Variants in AKAP6 observed in about 807,000 individuals in gnomAD.
AKAP6 encodes the protein A-kinase anchor protein 6.
In AKAP6, 58 loss-of-function variants were observed where a neutral mutation model predicts 188.5. The ratio of observed to expected loss-of-function variants is 0.31; its 90% CI spans 0.25 to 0.38. The LOEUF is 0.38. AKAP6 is among the 10% of genes least tolerant of loss of function. AKAP6 has a pLI of 1.00. For synonymous variants in AKAP6, 989 were observed against 998.6 expected, an observed-to-expected ratio of 0.99 and a Z score of 0.18; for missense variants, 2,710 against 2,740.0, an observed-to-expected ratio of 0.99 and a Z score of 0.24.
At chr14:32,601,891 C>A (rs907388965) in intron 7 of AKAP6, among the ~76,000 whole-genome samples, 2 of 152,188 alleles carry the variant, frequency 1.3e-5, no homozygotes, top group African/African-American at 4.8e-5. Context: ...AGACAATTTA[C>A]AGCTTTTGAA....
intron 3 of AKAP6, among the ~76,000 whole-genome samples, chr14:32,544,772 T>C (rs1447731812): frequency 3.3e-5 from 5 of 152,222 alleles, no homozygotes; most frequent in African/African-American, 9.6e-5. Context: ...TACTTAAAAA[T>C]ATTTATTGAG....
chr14:32,347,977 G>A (rs140712842), intron 1 of AKAP6, among the ~76,000 whole-genome samples: 15 of 152,276 alleles, frequency 9.9e-5, no homozygotes, highest in African/African-American at 2.6e-4. Flanking sequence ...CAAGGAAATC[G>A]GGATACATTT....
chr14:32,409,525 C>G lies in AKAP6; in HGVS notation c.-34-23935C>G, dbSNP rs1435923917. On this transcript the variant is annotated intron_variant, in intron 1 of 13. Coordinates refer to ENST00000280979, the MANE Select transcript of AKAP6 (RefSeq NM_004274.5). ...TCTTCAAAAAACAGTAGCCCCTTAT[C>G]CTTGAACATGTTCCAGGACTCTTGA... Among the ~76,000 whole-genome samples, 3 of 152,230 alleles carry G rather than the reference C, an allele frequency of 2.0e-5. No individual in the cohort carries two copies. In the East Asian group the frequency reaches 5.8e-4, roughly 29 times the overall value.
At chr14:32,582,281 T>C (rs1160833733) in intron 5 of AKAP6, among the ~76,000 whole-genome samples, 3 of 152,216 alleles carry the variant, frequency 2.0e-5, no homozygotes, top group African/African-American at 7.2e-5. Flanking sequence ...TATGAAATTC[T>C]GAGTTGAAAA....
chr14:32,786,395 C>T (rs1395938623), intron 12 of AKAP6, among the ~76,000 whole-genome samples: 1 of 145,818 alleles, frequency 6.9e-6, no homozygotes, highest in East Asian at 2.0e-4. Context: ...GCAAGCTCCA[C>T]CTCCCAGGTG....
chr14:32,743,356 G>A (rs186715029), intron 11 of AKAP6, among the ~76,000 whole-genome samples: 61 of 152,156 alleles, frequency 4.0e-4, no homozygotes, highest in African/African-American at 1.3e-3. Flanking sequence ...AATTTAGTCC[G>A]TTACATTCAG....
intron 7 of AKAP6, among the ~76,000 whole-genome samples, chr14:32,602,254 A>G (rs1413815210): frequency 2.6e-5 from 4 of 152,114 alleles, no homozygotes; most frequent in Non-Finnish European, 5.9e-5. Context: ...AACTTGTTGT[A>G]GGAGGCTGAG....
In AKAP6 at chr14:32,696,125, T is replaced by C. The variant is rs748136011; in HGVS notation, c.3000+15T>C. The C allele has an allele frequency of 5.7e-6, 9 of 1,589,172 alleles. No homozygotes were observed. The highest frequency in any genetic ancestry group is 3.8e-5 in the Admixed American group (2 of 52,480). ...ATCTTTACAAGGTTAGAGCTACCCT[T>C]CCTGCCTTTACCTTGCTGTGGAAGA... On this transcript the variant is annotated intron_variant, in intron 9 of 13. Transcript: ENST00000280979.
chr14:32,524,037 A>G (rs1027573754), intron 2 of AKAP6, among the ~76,000 whole-genome samples: 5 of 152,238 alleles, frequency 3.3e-5, no homozygotes, highest in Non-Finnish European at 2.9e-5. Flanking sequence ...CAGATAGAAA[A>G]ACAGATTAAA....
intron 4 of AKAP6, among the ~76,000 whole-genome samples, chr14:32,555,629 A>G (rs1454045463): frequency 1.3e-5 from 2 of 152,154 alleles, no homozygotes; most frequent in Non-Finnish European, 2.9e-5. Context: ...CGGGTAACCA[A>G]CATTCTACTT....
intron 4 of AKAP6, among the ~76,000 whole-genome samples, chr14:32,570,563 A>G (rs1295694286): frequency 3.3e-5 from 5 of 152,022 alleles, no homozygotes; most frequent in Non-Finnish European, 7.4e-5. Context: ...ATTAGGAATG[A>G]TTTTTTTTAA....
intron 4 of AKAP6, among the ~76,000 whole-genome samples, chr14:32,550,738 C>A (rs1207329523): frequency 1.3e-5 from 2 of 152,202 alleles, no homozygotes; most frequent in African/African-American, 2.4e-5. Context: ...AAGGCATCTG[C>A]TAGGCATTTT....
intron 9 of AKAP6, among the ~76,000 whole-genome samples, chr14:32,723,080 C>T (rs1032291414): frequency 5.3e-5 from 8 of 152,196 alleles, no homozygotes; most frequent in African/African-American, 1.9e-4. Context: ...TGCGGGCTCC[C>T]CCTCCTGCAA....
At position 32,602,134 on chromosome 14, in the gene AKAP6, ACT is replaced by A. The variant is rs140621846; in HGVS notation, c.2730+1344_2730+1345del. 6.8e-3 allele frequency among the ~76,000 whole-genome samples: 1,029 copies of A among 152,260 alleles called. 20 individuals are homozygous for A. Among genetic ancestry groups the A allele is most frequent in the African/African-American group, 0.023 (963 of 41,550 alleles). On this transcript the variant is annotated intron_variant, in intron 7 of 13. Coordinates refer to ENST00000280979, the MANE Select transcript of AKAP6 (RefSeq NM_004274.5). ...GTATTCAGCACATTTCTCAGGGCAA[ACT>A]CGGAGCTATTTTAAGGAGTAGGCTG...
intron 1 of AKAP6, among the ~76,000 whole-genome samples, chr14:32,358,721 CA>C (rs1325192388): frequency 6.6e-6 from 1 of 151,978 alleles, no homozygotes; most frequent in Non-Finnish European, 1.5e-5. Flanking sequence ...TGGGTTTCCT[CA>C]GGGGATAGTG....
rs768109307 is a variant in AKAP6 at position 32,830,134 on chromosome 14, C to T, written c.*329C>T. 11 of 591,078 alleles carry T rather than the reference C, an allele frequency of 1.9e-5. No homozygotes were observed. In the Admixed American group the frequency reaches 2.1e-4, roughly 11 times the overall value. The allele number at this position is 591,078 out of a possible 1,614,324, so 36.6% of individuals were successfully genotyped here. On this transcript the variant is annotated 3_prime_UTR_variant, in exon 14 of 14. Coordinates refer to ENST00000280979, the MANE Select transcript of AKAP6 (RefSeq NM_004274.5). ...AGCTAGACTTTTCTCTTTGCCTCCT[C>T]CCTTCCCTTCCACTCTTTAAAGTTC...
chr14:32,537,713 A>G (rs1882748067), intron 3 of AKAP6, among the ~76,000 whole-genome samples: 1 of 152,206 alleles, frequency 6.6e-6, no homozygotes, highest in Non-Finnish European at 1.5e-5. Flanking sequence ...ACATTTATTG[A>G]TAATCAGCTC....
At chr14:32,600,843 A>G in intron 7 of AKAP6, 51 bp downstream of exon 7, 1 of 1,531,158 alleles carries the variant, frequency 6.5e-7, no homozygotes. Context: ...TCTTCTTTTG[A>G]ACTAGGCACC....
intron 7 of AKAP6, among the ~76,000 whole-genome samples, chr14:32,665,797 T>C (rs1888908780): frequency 6.6e-6 from 1 of 152,164 alleles, no homozygotes; most frequent in East Asian, 1.9e-4. Flanking sequence ...CCAGGAGCTC[T>C]GGATGAAAAC....
Sources: gnomAD v4.1 joint callset for allele counts (sites outside exome capture counted in the v4.1 genomes callset) on GRCh38, gnomAD v4.1.1 for gene constraint, MANE v1.5 for transcripts, NCBI Gene and HGNC (gene_info 2026-07-23, HGNC 2026-07-21) for gene names.